Variants in HTT observed in about 807,000 individuals in gnomAD.
HTT encodes huntingtin.
In HTT, 104 loss-of-function variants were observed where a neutral mutation model predicts 362.3. That is an observed-to-expected ratio of 0.29 (90% CI 0.24 to 0.34). The LOEUF is 0.34. Ranked by LOEUF, HTT falls within the 10% of genes least tolerant of loss-of-function variation. HTT has a pLI of 1.00. For missense variants in HTT, 3,301 were observed against 3,928.6 expected (o/e 0.84, Z 4.27); for synonymous variants, 1,577 against 1,548.7 (o/e 1.02, Z -0.43).
intron 60 of HTT, among the ~76,000 whole-genome samples, chr4:3,230,647 G>A (rs921075767): frequency 3.3e-5 from 5 of 152,142 alleles, no homozygotes; most frequent in East Asian, 1.9e-4. Context: ...TCTGGGGGCT[G>A]GAAGTTTTCA....
At chr4:3,233,625 A>T (rs1045763091) in intron 61 of HTT, among the ~76,000 whole-genome samples, 1 of 151,708 alleles carries the variant, frequency 6.6e-6, no homozygotes, top group Admixed American at 6.6e-5. Flanking sequence ...CCCATTCCTG[A>T]CTCTGCTCTC....
chr4:3,229,196 C>T (rs976480148), intron 59 of HTT, among the ~76,000 whole-genome samples, 187 bp downstream of exon 59: 6 of 147,080 alleles, frequency 4.1e-5, no homozygotes, highest in African/African-American at 1.0e-4. Context: ...CACACATACA[C>T]GGCATGCACC....
At chr4:3,147,883 A>G (rs1716683740) in intron 25 of HTT, 122 bp from the exon 26 acceptor site, 2 of 692,624 alleles carry the variant, frequency 2.9e-6, no homozygotes, top group South Asian at 2.3e-5. Context: ...TATCAGTTGA[A>G]TATCAGGCAC....
intron 29 of HTT, among the ~76,000 whole-genome samples, chr4:3,169,001 C>CCCTT (rs1290014049): frequency 7.2e-6 from 1 of 138,374 alleles, no homozygotes; most frequent in Non-Finnish European, 1.5e-5. Flanking sequence ...AAATTTTAGG[C>CCCTT]CATTCTTTCT....
intron 25 of HTT, 29 bp downstream of exon 25, chr4:3,146,977 C>T: frequency 1.9e-6 from 3 of 1,612,144 alleles, no homozygotes; most frequent in Non-Finnish European, 2.5e-6. Flanking sequence ...AACAGGGACT[C>T]CAGGACTTGG....
At chr4:3,107,106 G>A (rs1560549985) in intron 5 of HTT, among the ~76,000 whole-genome samples, 179 bp from the exon 6 acceptor site, 1 of 152,196 alleles carries the variant, frequency 6.6e-6, no homozygotes, top group Non-Finnish European at 1.5e-5. Flanking sequence ...AATGAAGGAT[G>A]TCTCCCAACA....
At chr4:3,235,859 G>C in intron 63 of HTT, 81 bp downstream of exon 63, 2 of 1,084,636 alleles carry the variant, frequency 1.8e-6, no homozygotes, top group Non-Finnish European at 1.4e-6. Context: ...AAGGGACCTC[G>C]ACTAGGTGCC....
At chr4:3,141,470 AAC>A (rs1716341309) in intron 22 of HTT, among the ~76,000 whole-genome samples, 2 of 152,192 alleles carry the variant, frequency 1.3e-5, no homozygotes, top group Admixed American at 6.5e-5. Flanking sequence ...TGCTTTAAAA[AAC>A]ACATGGAAGG....
At chr4:3,200,893 G>A (rs965802629) in intron 41 of HTT, among the ~76,000 whole-genome samples, 5 of 152,208 alleles carry the variant, frequency 3.3e-5, no homozygotes, top group Admixed American at 2.0e-4. Flanking sequence ...TCCTAGTTCT[G>A]TGCTGCTTTA....
At chr4:3,216,822 G>T (rs1720422829) in intron 51 of HTT, among the ~76,000 whole-genome samples, 1 of 151,970 alleles carries the variant, frequency 6.6e-6, no homozygotes, top group South Asian at 2.1e-4. Context: ...TCAGGAGATC[G>T]AGACCATCCC....
At chr4:3,177,412 T>C (rs1410177355) in intron 34 of HTT, 25 bp downstream of exon 34, 1 of 1,490,164 alleles carries the variant, frequency 6.7e-7, no homozygotes, top group Non-Finnish European at 9.2e-7. Context: ...TTATTTTAGA[T>C]TTTTTTCTTC....
chr4:3,171,379 G>C (rs1024018177), intron 29 of HTT, among the ~76,000 whole-genome samples: 2 of 152,024 alleles, frequency 1.3e-5, no homozygotes, highest in Admixed American at 1.3e-4. Context: ...TAGCCAGGCA[G>C]TGGTGAAACA....
rs990076411 is a variant in HTT at position 3,148,524 on chromosome 4, G to A, written c.3498+317G>A. ...AAAAATTAGATGGGTTGGGCCGGGC[G>A]TGGTGGCTCAAGCCTGTAATCCCAG... On this transcript the variant is annotated intron_variant, in intron 26 of 66. Transcript: ENST00000355072. Among the ~76,000 whole-genome samples, 15 of 152,136 alleles carry A rather than the reference G, an allele frequency of 9.9e-5. No homozygotes were observed. The South Asian group carries it at 1.4e-3, about 15-fold the overall frequency.
At chr4:3,159,951 G>A (rs929807293) in intron 28 of HTT, among the ~76,000 whole-genome samples, 1 of 152,092 alleles carries the variant, frequency 6.6e-6, no homozygotes, top group Non-Finnish European at 1.5e-5. Flanking sequence ...TCTATTTTTT[G>A]ATATACCACA....
intron 28 of HTT, among the ~76,000 whole-genome samples, chr4:3,159,456 C>T (rs1717330616): frequency 6.6e-6 from 1 of 152,234 alleles, no homozygotes; most frequent in Non-Finnish European, 1.5e-5. Flanking sequence ...GACATCACCA[C>T]ATCACCTCGT....
intron 41 of HTT, among the ~76,000 whole-genome samples, chr4:3,203,350 G>A (rs1056701794): frequency 1.3e-5 from 2 of 152,350 alleles, no homozygotes; most frequent in African/African-American, 2.4e-5. Context: ...TGGGAAGGAC[G>A]TCGCTCGGTC....
chr4:3,170,375 T>C (rs1256353326), intron 29 of HTT, among the ~76,000 whole-genome samples: 8 of 152,292 alleles, frequency 5.3e-5, no homozygotes, highest in Admixed American at 3.9e-4. Flanking sequence ...CTGAGTACTC[T>C]ACCTAATGAA....
At chr4:3,163,003 C>A (rs560202589) in intron 29 of HTT, among the ~76,000 whole-genome samples, 1 of 152,070 alleles carries the variant, frequency 6.6e-6, no homozygotes, top group Non-Finnish European at 1.5e-5. Context: ...TGTCTTGTGC[C>A]GGTTTTCGAA....
chr4:3,198,825 C>G (rs1010432852), intron 40 of HTT, among the ~76,000 whole-genome samples: 4 of 152,158 alleles, frequency 2.6e-5, no homozygotes, highest in East Asian at 1.9e-4. Context: ...GGGAGGCTGA[C>G]CGCTTGGCCT....
Sources: gnomAD v4.1 joint callset for allele counts (sites outside exome capture counted in the v4.1 genomes callset) on GRCh38, gnomAD v4.1.1 for gene constraint, MANE v1.5 for transcripts, NCBI Gene and HGNC (gene_info 2026-07-23, HGNC 2026-07-21) for gene names.